Variants in BCAS3 observed in about 807,000 individuals in gnomAD.
BCAS3 encodes the protein BCAS4/BCAS3 fusion.
Under a neutral mutation model 116.1 loss-of-function variants are expected in BCAS3, and 53 were observed. The ratio of observed to expected loss-of-function variants is 0.46; its 90% confidence interval spans 0.37 to 0.57. The LOEUF is 0.57. Ranked by LOEUF, BCAS3 falls within the 20% of genes least tolerant of loss-of-function variation. The probability of loss-of-function intolerance (pLI) is 0.00; values close to 1 mark genes in which losing one functional copy is unlikely to be tolerated. For synonymous variants in BCAS3, 391 were observed against 408.2 expected, an observed-to-expected ratio of 0.96 and a Z score of 0.51; for missense variants, 917 against 1,165.4, an observed-to-expected ratio of 0.79 and a Z score of 3.10.
Position 61,266,819 on chromosome 17 carries a change from A to T in BCAS3, c.2426-101508A>T, listed in dbSNP as rs766126232. ...CCCACTTTGTAAACACCCTTTTTCCATAGTTGCAAATGTCTCCACCATTAT... is the reference window on the plus strand; with the variant it reads ...CCCACTTTGTAAACACCCTTTTTCCTTAGTTGCAAATGTCTCCACCATTAT... On this transcript the variant is annotated intron_variant, in intron 22 of 23. Transcript: ENST00000407086. Among the ~76,000 whole-genome samples, 256 of 152,282 alleles carry T rather than the reference A, an allele frequency of 1.7e-3. 1 individual carries two copies. The highest frequency in any genetic ancestry group is 2.9e-3 in the Non-Finnish European group (200 of 68,026).
At chr17:60,772,113 T>A (rs2044773110) in intron 6 of BCAS3, among the ~76,000 whole-genome samples, 1 of 152,224 alleles carries the variant, frequency 6.6e-6, no homozygotes, top group African/African-American at 2.4e-5. Context: ...TAGTTCTAGA[T>A]CCTTGAGGAA....
At chr17:60,797,050 A>G (rs1225221056) in intron 6 of BCAS3, among the ~76,000 whole-genome samples, 2 of 152,060 alleles carry the variant, frequency 1.3e-5, no homozygotes, top group African/African-American at 4.8e-5. Flanking sequence ...GTGTGCCACC[A>G]TGCCCAGCTA....
In BCAS3 at chr17:61,219,329, T is replaced by C. The variant is rs2144373466; in HGVS notation, c.2425+134765T>C. On this transcript the variant is annotated intron_variant, in intron 22 of 23. Coordinates refer to ENST00000407086, the MANE Select transcript of BCAS3 (RefSeq NM_017679.5). This position sits in a 1 kb window ranked among gnomAD's most constrained non-coding sequence, Gnocchi z 5.2. ...TTCCAGTGATTCCTTTCTGGGCATA[T>C]TTCCTAGGGAGTTTTGGGAGTCATG... is the stretch of plus-strand genomic sequence containing the variant. Among the ~76,000 whole-genome samples, 1 of 152,302 alleles carries C rather than the reference T, an allele frequency of 6.6e-6. No homozygotes were observed. The highest frequency in any genetic ancestry group is 1.5e-5 in the Non-Finnish European group (1 of 68,026).
rs1203305536 is a variant in BCAS3, at chr17:61,140,368, TAGG to T, written c.2425+55806_2425+55808del. ...GGAAGATCCAACTGTCAAGGAAGGT[TAGG>T]ACCAGACTCTGAAAGTAGAGTGCTG... On this transcript the variant is annotated intron_variant, in intron 22 of 23. Transcript: ENST00000407086. This position sits in a 1 kb window ranked among gnomAD's most constrained non-coding sequence, Gnocchi z 4.2. 6.6e-6 allele frequency among the ~76,000 whole-genome samples: 1 copy of T among 152,174 alleles called. No individual in the cohort carries two copies. The highest frequency in any genetic ancestry group is 1.5e-5 in the Non-Finnish European group (1 of 68,034).
At chr17:60,911,727 G>T (rs2058526917) in intron 12 of BCAS3, among the ~76,000 whole-genome samples, 1 of 152,172 alleles carries the variant, frequency 6.6e-6, no homozygotes, top group African/African-American at 2.4e-5. Context: ...GAGCCACTGC[G>T]CCCAGCCACG....
Position 61,051,308 on chromosome 17 carries a change from A to C in BCAS3, c.2029+10416A>C, listed in dbSNP as rs2068836709. 6.6e-6 allele frequency among the ~76,000 whole-genome samples: 1 copy of C among 151,998 alleles called. No homozygotes were observed. The highest frequency in any genetic ancestry group is 1.5e-5 in the Non-Finnish European group (1 of 67,962). On this transcript the variant is annotated intron_variant, in intron 19 of 23. Transcript: ENST00000407086. The surrounding 1 kb of genome is among the most constrained non-coding windows in gnomAD (Gnocchi z 4.1). Reference sequence around the variant, plus strand: ...AGGGATTAGGGATGGGGTGGGAGAGAATGTGGCTATATAGAGTTATTACAA... The same window carrying C: ...AGGGATTAGGGATGGGGTGGGAGAGCATGTGGCTATATAGAGTTATTACAA...
intron 7 of BCAS3, among the ~76,000 whole-genome samples, chr17:60,839,669 C>T (rs1159902437): frequency 6.6e-6 from 1 of 151,936 alleles, no homozygotes; most frequent in East Asian, 1.9e-4. Context: ...CTTTAGGAGC[C>T]AAATGAGAAT....
At chr17:60,939,673 G>A (rs748889522) in intron 13 of BCAS3, among the ~76,000 whole-genome samples, 2 of 152,144 alleles carry the variant, frequency 1.3e-5, no homozygotes, top group Non-Finnish European at 2.9e-5. Flanking sequence ...GTTGGGGAGA[G>A]GATGGTTTGC....
chr17:61,237,353 G>A (rs916775676), intron 22 of BCAS3, among the ~76,000 whole-genome samples: 14 of 152,226 alleles, frequency 9.2e-5, no homozygotes, highest in Non-Finnish European at 4.4e-5. Flanking sequence ...GATCCTAAAA[G>A]TAGCCAATCG....
intron 15 of BCAS3, among the ~76,000 whole-genome samples, chr17:60,997,639 T>C (rs2063928897): frequency 6.6e-6 from 1 of 152,198 alleles, no homozygotes; most frequent in Admixed American, 6.5e-5. Flanking sequence ...GTAAATTTAA[T>C]TACATATCTT....
chr17:60,880,788 T>A (rs1027183413), intron 9 of BCAS3, among the ~76,000 whole-genome samples: 8 of 152,226 alleles, frequency 5.3e-5, no homozygotes, highest in African/African-American at 9.6e-5. Context: ...ACTGACCATT[T>A]TTAATGTGCT....
rs1242256792 is a variant in BCAS3, at chr17:61,037,628, CG to C, written c.1763-258del. 1.3e-5 allele frequency among the ~76,000 whole-genome samples: 2 copies of C among 151,994 alleles called. No individual in the cohort carries two copies. Among genetic ancestry groups the C allele is most frequent in the African/African-American group, 4.8e-5 (2 of 41,374 alleles). The stretch of plus-strand genomic sequence containing the variant: ...CTCTACTAAAAATACAAAAATTAGC[CG>C]GGTGTGGTGACAGGAGCCTGTAATC... On this transcript the variant is annotated intron_variant, in intron 17 of 23. Coordinates refer to ENST00000407086, the MANE Select transcript of BCAS3 (RefSeq NM_017679.5). The surrounding 1 kb of genome is among the most constrained non-coding windows in gnomAD (Gnocchi z 4.7).
chr17:61,226,220 T>G lies in BCAS3; in HGVS notation c.2425+141656T>G, dbSNP rs1345181515. On this transcript the variant is annotated intron_variant, in intron 22 of 23. Transcript: ENST00000407086. The surrounding 1 kb of genome is among the most constrained non-coding windows in gnomAD (Gnocchi z 6.0). ...TTCCTAAAATATCCACTGACCATAA[T>G]AGTGTCTATCAAATGCATTTTCACA... Among the ~76,000 whole-genome samples, 3 of 152,268 alleles carry G rather than the reference T, an allele frequency of 2.0e-5. No homozygotes were observed. The highest frequency in any genetic ancestry group is 3.9e-4 in the East Asian group (2 of 5,182).
Position 61,286,248 on chromosome 17 carries a change from G to T in BCAS3, c.2426-82079G>T, listed in dbSNP as rs373915046. On this transcript the variant is annotated intron_variant, in intron 22 of 23. Transcript: ENST00000407086. This position sits in a 1 kb window ranked among gnomAD's most constrained non-coding sequence, Gnocchi z 4.8. ...GGCGGGGTGCGGAGGGTCTGCGGGG[G>T]TGGGGCGCTGCCGAATATGAGACAT... 6.6e-6 allele frequency among the ~76,000 whole-genome samples: 1 copy of T among 152,204 alleles called. No individual in the cohort carries two copies. Among genetic ancestry groups the T allele is most frequent in the South Asian group, 2.1e-4 (1 of 4,832 alleles).
chr17:60,889,401 T>C (rs2056979432), intron 9 of BCAS3, among the ~76,000 whole-genome samples: 1 of 152,226 alleles, frequency 6.6e-6, no homozygotes, highest in Non-Finnish European at 1.5e-5. Flanking sequence ...GTTAACTTCA[T>C]TCTCATGTTT....
At chr17:61,091,332 A>G (rs1377583535) in intron 22 of BCAS3, among the ~76,000 whole-genome samples, 1 of 152,128 alleles carries the variant, frequency 6.6e-6, no homozygotes, top group Non-Finnish European at 1.5e-5. Flanking sequence ...TTGTACATTT[A>G]CTGTGCCTCT....
chr17:60,978,385 G>A (rs1204136042), intron 14 of BCAS3, among the ~76,000 whole-genome samples: 4 of 151,398 alleles, frequency 2.6e-5, no homozygotes, highest in East Asian at 3.9e-4. Context: ...TGAGGTCATT[G>A]TAGATTCTGG....
In BCAS3 at chr17:61,204,323, G is replaced by T. The variant is rs183173695; in HGVS notation, c.2425+119759G>T. 1.2e-4 allele frequency among the ~76,000 whole-genome samples: 19 copies of T among 152,288 alleles called. No individual in the cohort carries two copies. In the Middle Eastern group the frequency reaches 0.01, roughly 82 times the overall value. On this transcript the variant is annotated intron_variant, in intron 22 of 23. Coordinates refer to ENST00000407086, the MANE Select transcript of BCAS3 (RefSeq NM_017679.5). The surrounding 1 kb of genome is among the most constrained non-coding windows in gnomAD (Gnocchi z 4.2). Reference sequence around the variant, plus strand: ...GCTGCATTTCTATAAATAGAATGAAGGTCATGTGAACGAGTTCAGAAGATT... The same window carrying T: ...GCTGCATTTCTATAAATAGAATGAATGTCATGTGAACGAGTTCAGAAGATT...
At chr17:61,154,366 A>G (rs2144022228) in intron 22 of BCAS3, among the ~76,000 whole-genome samples, 1 of 152,110 alleles carries the variant, frequency 6.6e-6, no homozygotes, top group South Asian at 2.1e-4. Context: ...AACAACTCGG[A>G]GGGATTTTCT....
Sources: allele counts gnomAD v4.1 joint callset (sites outside exome capture counted in the v4.1 genomes callset), GRCh38; gene constraint gnomAD v4.1.1; non-coding constraint Gnocchi (gnomAD v3.1); transcripts MANE v1.5; gene names NCBI Gene and HGNC (gene_info 2026-07-23, HGNC 2026-07-21).